Variants in CHEK1 observed in about 807,000 individuals in gnomAD.
CHEK1 encodes checkpoint kinase 1.
In CHEK1, 32 loss-of-function variants were observed where a neutral mutation model predicts 60.2. The ratio of observed to expected loss-of-function variants is 0.53; its 90% CI spans 0.40 to 0.71. The LOEUF is 0.71. CHEK1 is among the 30% of genes least tolerant of loss of function. The probability of loss-of-function intolerance (pLI) is 0.00; values close to 1 mark genes in which losing one functional copy is unlikely to be tolerated. For missense variants in CHEK1, 399 were observed against 564.6 expected (o/e 0.71, Z 2.97); for synonymous variants, 179 against 187.2 (o/e 0.96, Z 0.36).
chr11:125,653,413 G>A lies in CHEK1; in HGVS notation c.1234-333G>A, dbSNP rs535283894. Among the ~76,000 whole-genome samples the A allele has an allele frequency of 2.0e-5, 3 of 152,178 alleles. No homozygotes were observed. The East Asian group carries it at 5.8e-4, about 29-fold the overall frequency. On this transcript the variant is annotated intron_variant, in intron 11 of 12. Coordinates refer to ENST00000438015, the MANE Select transcript of CHEK1 (RefSeq NM_001114122.3). The surrounding 1 kb of genome is among the most constrained non-coding windows in gnomAD (Gnocchi z 4.3). ...GGAATTTTAGTAGAGATGAGGTATC[G>A]ATATGTTGCCCAGCCTGGTCTGAAG...
intron 13 of CHEK1, among the ~76,000 whole-genome samples, chr11:125,667,621 A>G (rs1942123453): frequency 6.6e-6 from 1 of 151,950 alleles, no homozygotes; most frequent in African/African-American, 2.4e-5. Flanking sequence ...GACTTCCAGT[A>G]CTAAGTTTTT....
In CHEK1 at chr11:125,648,016, C is replaced by T. The variant is rs1941561898; in HGVS notation, c.1233+3373C>T. Among the ~76,000 whole-genome samples the T allele has an allele frequency of 2.0e-5, 3 of 151,950 alleles. No individual in the cohort carries two copies. In the South Asian group the frequency reaches 6.2e-4, roughly 32 times the overall value. ...CAATAACATGGGGCCTTTTTTTTCC[C>T]ATTTTTTTAGGGTCTTTAATTTCTT... On this transcript the variant is annotated intron_variant, in intron 11 of 12. Coordinates refer to ENST00000438015, the MANE Select transcript of CHEK1 (RefSeq NM_001114122.3).
chr11:125,627,593 CTT>C lies in CHEK1; in HGVS notation c.66-11_66-10del, dbSNP rs771504852. 6 of 1,593,720 alleles carry C rather than the reference CTT, an allele frequency of 3.8e-6. No individual in the cohort carries two copies. The highest frequency in any genetic ancestry group is 2.3e-5 in the South Asian group (2 of 87,594). ...AATGGAATTCTGTAATGTTAAAACT[CTT>C]TTCCTTTTTAGAGTTCAACTTGCTG... is the stretch of plus-strand genomic sequence containing the variant. On this transcript the variant is annotated splice_polypyrimidine_tract_variant and intron_variant, in intron 2 of 12. Transcript: ENST00000438015.
At chr11:125,660,673 T>C (rs1333872209), downstream of CHEK1, among the ~76,000 whole-genome samples, 1 of 152,172 alleles carries the variant, frequency 6.6e-6, no homozygotes, top group Non-Finnish European at 1.5e-5. Flanking sequence ...GCCTTAAATA[T>C]TCTTTATCTG....
intron 3 of CHEK1, among the ~76,000 whole-genome samples, chr11:125,628,552 A>G (rs1361647226): frequency 6.6e-6 from 1 of 152,208 alleles, no homozygotes; most frequent in Admixed American, 6.5e-5. Flanking sequence ...TAACTGATAA[A>G]AGAACTTTCA....
At chr11:125,647,325 C>G (rs961710199) in intron 11 of CHEK1, among the ~76,000 whole-genome samples, 4 of 151,664 alleles carry the variant, frequency 2.6e-5, no homozygotes, top group Non-Finnish European at 5.9e-5. Flanking sequence ...TCTGGAATCT[C>G]AATTCTTTTT....
downstream of CHEK1, among the ~76,000 whole-genome samples, chr11:125,680,435 T>C (rs921659495): frequency 1.3e-5 from 2 of 152,188 alleles, no homozygotes; most frequent in South Asian, 4.1e-4. Flanking sequence ...ATTGGGCTTC[T>C]ACAGAACCCC....
At position 125,627,780 on chromosome 11, in the gene CHEK1, A is replaced by G. The variant is rs768667116; in HGVS notation, c.239A>G (p.Gln80Arg). 48 of 1,612,666 alleles carry G rather than the reference A, an allele frequency of 3.0e-5. No homozygotes were observed. Among genetic ancestry groups the G allele is most frequent in the Non-Finnish European group, 4.1e-5 (48 of 1,179,800 alleles). Reference protein sequence around the residue: ...FYGHRREGNIQYLFLEYCSGG... With the variant: ...FYGHRREGNIRYLFLEYCSGG... ...GGTCACAGGAGAGAAGGCAATATCC[A>G]ATATTTATTTCTGGAGTACTGTAGT... is the stretch of plus-strand genomic sequence containing the variant. The change falls in exon 3 of 13, where the codon CAA (glutamine) becomes CGA (arginine). Residue 80 changes from glutamine to arginine, a missense_variant. By Grantham distance (43) the Gln-to-Arg change is conservative (BLOSUM62 1). This residue lies in a region of CHEK1 where 370 missense variants were observed against 494.8 expected (regional missense o/e 0.75). Transcript: ENST00000438015.
At position 125,656,104 on chromosome 11, in the gene CHEK1, A is replaced by G. The variant is rs1198048265; in HGVS notation, c.*784A>G. ...AAAAGAGGGAAGGGAAGAGTAAGGA[A>G]GCTATAAGAAAAATAGATCTGATTC... On this transcript the variant is annotated 3_prime_UTR_variant, in exon 13 of 13. Coordinates refer to ENST00000438015, the MANE Select transcript of CHEK1 (RefSeq NM_001114122.3). 2 of 211,520 alleles carry G rather than the reference A, an allele frequency of 9.5e-6. No homozygotes were observed. 13.1% of individuals were successfully genotyped at this position (211,520 alleles called of 1,614,324 possible). A position where few individuals can be genotyped will look rare whatever the true frequency, so the allele number is the denominator to read the frequency against.
intron 5 of CHEK1, 123 bp downstream of exon 5, chr11:125,629,583 T>C (rs1225535856): frequency 5.8e-6 from 4 of 689,234 alleles, no homozygotes; most frequent in Non-Finnish European, 9.1e-6. Context: ...ATTACTGGAA[T>C]TTCAAGACAA....
At position 125,632,349 on chromosome 11, in the gene CHEK1, A is replaced by G. The variant is rs183605010; in HGVS notation, c.425-814A>G. Among the ~76,000 whole-genome samples the G allele has an allele frequency of 5.9e-5, 9 of 152,286 alleles. No homozygotes were observed. In the East Asian group the frequency reaches 1.5e-3, roughly 26 times the overall value. Reference sequence around the variant, plus strand: ...AAGAGTGAATGTTTCACAGTTTAGTATGTTTTGCCAAATTGCCCTCTGATA... The same window carrying G: ...AAGAGTGAATGTTTCACAGTTTAGTGTGTTTTGCCAAATTGCCCTCTGATA... On this transcript the variant is annotated intron_variant, in intron 5 of 12. Transcript: ENST00000438015.
chr11:125,665,707 T>C (rs983482510), intron 13 of CHEK1, among the ~76,000 whole-genome samples: 8 of 151,976 alleles, frequency 5.3e-5, no homozygotes, highest in Non-Finnish European at 7.4e-5. Context: ...TCAATCTTGA[T>C]AGGTTGTTTG....
At chr11:125,679,962 T>A (rs193203364), downstream of CHEK1, among the ~76,000 whole-genome samples, 3 of 152,356 alleles carry the variant, frequency 2.0e-5, no homozygotes, top group African/African-American at 4.8e-5. Flanking sequence ...GTTTCTGATA[T>A]AGAAAGGAGA....
chr11:125,673,799 A>G (rs1442405392), intron 13 of CHEK1, among the ~76,000 whole-genome samples: 1 of 151,990 alleles, frequency 6.6e-6, no homozygotes, highest in Non-Finnish European at 1.5e-5. Context: ...TTTTCCATCC[A>G]ATTTGTTGTG....
chr11:125,648,110 T>C (rs1217899361), intron 11 of CHEK1, among the ~76,000 whole-genome samples: 1 of 43,244 alleles, frequency 2.3e-5, no homozygotes, highest in Non-Finnish European at 6.2e-5. Context: ...TCCTGTTTAT[T>C]CTTTTTTTTT....
chr11:125,671,704 T>G (rs1294316264), intron 13 of CHEK1: 1 of 152,184 alleles, frequency 6.6e-6, no homozygotes, highest in Non-Finnish European at 1.5e-5. Flanking sequence ...CTCTGTAACC[T>G]TGGTAAATTT....
intron 10 of CHEK1, 76 bp downstream of exon 10, chr11:125,644,344 A>G: frequency 2.7e-6 from 4 of 1,487,084 alleles, no homozygotes; most frequent in Non-Finnish European, 3.6e-6. Context: ...TTTAATGTGT[A>G]AATCTTAGAT....
intron 13 of CHEK1, among the ~76,000 whole-genome samples, chr11:125,662,451 A>G (rs541254875): frequency 6.6e-6 from 1 of 152,318 alleles, no homozygotes; most frequent in East Asian, 1.9e-4. Flanking sequence ...TCTGGAGGGG[A>G]ATACGAGCAT....
chr11:125,626,049 TA>T (rs1940582590), intron 1 of CHEK1, 37 bp downstream of exon 1: 1 of 689,016 alleles, frequency 1.5e-6, no homozygotes, highest in East Asian at 2.7e-5. Flanking sequence ...GGAAGGTTTC[TA>T]AAGAAGGAGT....
Sources: gnomAD v4.1 joint callset for allele counts (sites outside exome capture counted in the v4.1 genomes callset) on GRCh38, gnomAD v4.1.1 for gene constraint, gnomAD v4.1.1 regional missense constraint, Gnocchi (gnomAD v3.1) non-coding constraint, MANE v1.5 for transcripts, NCBI Gene and HGNC (gene_info 2026-07-23, HGNC 2026-07-21) for gene names.